The following TASP1 variants were observed in gnomAD, a reference collection of about 807,000 sequenced individuals.
The protein encoded by TASP1 is taspase 1.
TASP1 carries 16 observed loss-of-function variants against 56.6 expected under a neutral mutation model. That is an observed-to-expected ratio of 0.28 (90% CI 0.19 to 0.43). The LOEUF (loss-of-function observed/expected upper bound fraction) is 0.43, where lower values mean the gene tolerates loss of function less well. Among genes scored for constraint, TASP1 ranks in the 20% least tolerant of loss-of-function variants. The pLI is 1.00. For synonymous variants in TASP1, 179 were observed against 184.2 expected, an observed-to-expected ratio of 0.97 and a Z score of 0.23; for missense variants, 393 against 511.6, an observed-to-expected ratio of 0.77 and a Z score of 2.24.
At chr20:13,388,923 T>C (rs2041184074), downstream of TASP1, among the ~76,000 whole-genome samples, 1 of 152,226 alleles carries the variant, frequency 6.6e-6, no homozygotes, top group South Asian at 2.1e-4. Context: ...TATAATTTTA[T>C]CTGGGATTTA....
the TASP1 span, among the ~76,000 whole-genome samples, chr20:13,242,639 C>T: frequency 6.6e-6 from 1 of 152,144 alleles, no homozygotes; most frequent in Non-Finnish European, 1.5e-5. Context: ...TGGTCCTGCA[C>T]TTCTCTTGAA....
At chr20:13,438,154 CT>C (rs1346990946) in intron 11 of TASP1, among the ~76,000 whole-genome samples, 2 of 152,096 alleles carry the variant, frequency 1.3e-5, no homozygotes, top group African/African-American at 2.4e-5. Flanking sequence ...GAAAAAACTA[CT>C]TTAAAGTTCA....
the TASP1 span, among the ~76,000 whole-genome samples, chr20:13,233,767 A>G: frequency 3.8e-3 from 581 of 152,276 alleles, 5 homozygotes; most frequent in Middle Eastern, 0.017. Flanking sequence ...TCTCTTACAC[A>G]TAAGGTAACC....
chr20:13,220,690 G>A, the TASP1 span, among the ~76,000 whole-genome samples: 2 of 152,212 alleles, frequency 1.3e-5, no homozygotes, highest in Admixed American at 6.5e-5. Flanking sequence ...GCGAACAGCC[G>A]TGCCCGGCTA....
intron 4 of TASP1, among the ~76,000 whole-genome samples, chr20:13,593,785 C>A (rs1248064702): frequency 1.3e-5 from 2 of 152,212 alleles, no homozygotes; most frequent in Non-Finnish European, 2.9e-5. Context: ...CATAGCTGAA[C>A]AAAAGGCAGC....
At chr20:13,307,486 C>T in the TASP1 span, among the ~76,000 whole-genome samples, 1 of 152,126 alleles carries the variant, frequency 6.6e-6, no homozygotes, top group Admixed American at 6.5e-5. Context: ...TGTCAAAACT[C>T]ACTGAAGTGT....
intron 10 of TASP1, among the ~76,000 whole-genome samples, chr20:13,484,202 G>C (rs2043240566): frequency 6.6e-6 from 1 of 152,208 alleles, no homozygotes; most frequent in Non-Finnish European, 1.5e-5. Flanking sequence ...CTTGTACACT[G>C]TTGGTGGGAG....
chr20:13,476,362 C>T (rs1191305380), intron 11 of TASP1, among the ~76,000 whole-genome samples: 2 of 152,108 alleles, frequency 1.3e-5, no homozygotes, highest in Non-Finnish European at 2.9e-5. Context: ...CTAGGACTAC[C>T]TTACACAAAA....
intron 10 of TASP1, among the ~76,000 whole-genome samples, chr20:13,487,070 C>T (rs6042162): frequency 0.62 from 94,813 of 151,984 alleles, 30,015 homozygotes; most frequent in Non-Finnish European, 0.68. Context: ...TAATTTTCTA[C>T]GTAGAAAATC....
the TASP1 span, among the ~76,000 whole-genome samples, chr20:13,135,615 G>C: frequency 6.6e-6 from 1 of 152,044 alleles, no homozygotes; most frequent in African/African-American, 2.4e-5. Flanking sequence ...TTAGATCTAC[G>C]GGCCCACTTA....
chr20:13,173,360 C>T, the TASP1 span, among the ~76,000 whole-genome samples: 2 of 152,190 alleles, frequency 1.3e-5, no homozygotes, highest in Admixed American at 6.5e-5. Flanking sequence ...AGCTACAGAA[C>T]CCAGAGTCAT....
At chr20:13,450,418 A>G (rs1328377244) in intron 11 of TASP1, among the ~76,000 whole-genome samples, 1 of 152,142 alleles carries the variant, frequency 6.6e-6, no homozygotes, top group Non-Finnish European at 1.5e-5. Context: ...TTTTACTCAC[A>G]GTAGAGCTTT....
At chr20:13,548,340 G>T (rs1209475664) in intron 8 of TASP1, among the ~76,000 whole-genome samples, 1 of 152,050 alleles carries the variant, frequency 6.6e-6, no homozygotes, top group African/African-American at 2.4e-5. Context: ...AGAGTGAGTG[G>T]AGCATGATTC....
intron 8 of TASP1, among the ~76,000 whole-genome samples, chr20:13,557,633 CACAGTG>C (rs2046209650): frequency 1.5e-5 from 2 of 133,074 alleles, no homozygotes; most frequent in South Asian, 4.7e-4. Flanking sequence ...CAGGCTAGAG[CACAGTG>C]ACATGATCAC....
the TASP1 span, among the ~76,000 whole-genome samples, chr20:13,171,008 G>A: frequency 1.3e-5 from 2 of 152,176 alleles, no homozygotes; most frequent in South Asian, 4.1e-4. Context: ...AAGTGAATGG[G>A]TAGCAATGTG....
chr20:13,366,457 T>G, the TASP1 span, among the ~76,000 whole-genome samples: 1 of 152,190 alleles, frequency 6.6e-6, no homozygotes, highest in Middle Eastern at 3.2e-3. Context: ...GCTTCCTACT[T>G]ATTTCTAATT....
chr20:13,220,574 A>ACTGCGTCT, the TASP1 span, among the ~76,000 whole-genome samples: 1 of 152,216 alleles, frequency 6.6e-6, no homozygotes, highest in Non-Finnish European at 1.5e-5. Flanking sequence ...AGCCGCGGGC[A>ACTGCGTCT]CTGCGTCTCT....
chr20:13,286,382 T>A, the TASP1 span, among the ~76,000 whole-genome samples: 1 of 152,034 alleles, frequency 6.6e-6, no homozygotes, highest in Non-Finnish European at 1.5e-5. Context: ...AACTTGTTTC[T>A]CCAGTCCTAC....
chr20:13,472,417 G>A (rs1298773480), intron 11 of TASP1, among the ~76,000 whole-genome samples: 1 of 150,984 alleles, frequency 6.6e-6, no homozygotes, highest in East Asian at 1.9e-4. Flanking sequence ...TCAGGACATA[G>A]GCGTGGGCAA....
Sources: allele counts gnomAD v4.1 joint callset (sites outside exome capture counted in the v4.1 genomes callset), GRCh38; gene constraint gnomAD v4.1.1; transcripts MANE v1.5; gene names NCBI Gene and HGNC (gene_info 2026-07-23, HGNC 2026-07-21).